Variants in COL6A5 observed in about 807,000 individuals in gnomAD.
The protein encoded by COL6A5 is collagen alpha-5(VI) chain.
In COL6A5, 48 loss-of-function variants were observed where a neutral mutation model predicts 65.6. The ratio of observed to expected loss-of-function variants is 0.73; its 90% CI spans 0.58 to 0.93. The LOEUF is 0.93. Ranked by LOEUF, COL6A5 falls within the 40% of genes least tolerant of loss-of-function variation. The pLI is 0.00. For missense variants in COL6A5, 914 were observed against 928.3 expected (o/e 0.98, Z 0.20); for synonymous variants, 291 against 322.8 (o/e 0.90, Z 1.05).
intron 14 of COL6A5, 147 bp from the exon 15 acceptor site, chr3:130,405,846 G>A (rs1936969519): frequency 1.1e-6 from 1 of 913,198 alleles, no homozygotes; most frequent in Non-Finnish European, 1.7e-6. Context: ...GGAGTCTTTA[G>A]CATTAATAAA....
chr3:130,360,507 AC>A (rs1935070155), intron 1 of COL6A5, among the ~76,000 whole-genome samples: 1 of 152,130 alleles, frequency 6.6e-6, no homozygotes, highest in African/African-American at 2.4e-5. Flanking sequence ...CTGGAAGAAT[AC>A]ATCCAAACCA....
chr3:130,350,640 A>T (rs1934668459), intron 1 of COL6A5, among the ~76,000 whole-genome samples: 1 of 152,198 alleles, frequency 6.6e-6, no homozygotes, highest in Admixed American at 6.5e-5. Context: ...ACTATAAACC[A>T]CTGCTCAACA....
intron 1 of COL6A5, among the ~76,000 whole-genome samples, chr3:130,372,716 G>C (rs757523334): frequency 6.6e-6 from 1 of 151,986 alleles, no homozygotes; most frequent in Non-Finnish European, 1.5e-5. Flanking sequence ...TTCTTTTTGG[G>C]GTGATAAAAA....
chr3:130,409,711 T>C (rs554842354), intron 18 of COL6A5, among the ~76,000 whole-genome samples: 34 of 152,276 alleles, frequency 2.2e-4, no homozygotes, highest in Admixed American at 1.0e-3. Context: ...TTTACACCCT[T>C]GAGGGAATAG....
chr3:130,427,317 T>C (rs919495906), upstream of COL6A5, among the ~76,000 whole-genome samples: 1 of 152,170 alleles, frequency 6.6e-6, no homozygotes, highest in African/African-American at 2.4e-5. Context: ...TCCATTGTGG[T>C]TTTTAAATAA....
chr3:130,461,564 C>T (rs113151073), intron 5 of COL6A5, among the ~76,000 whole-genome samples: 4,820 of 152,050 alleles, frequency 0.032, 112 homozygotes, highest in South Asian at 0.095. Flanking sequence ...AAAAACATGA[C>T]CTTCAACACA....
At position 130,367,709 on chromosome 3, in the gene COL6A5, C is replaced by A. The variant is rs576795504; in HGVS notation, c.-28-5902C>A. ...AATATTTGTTGAATGGATAAATAATCTCTCAGACCCAAGCATGCATACATA... is the reference window on the plus strand; with the variant it reads ...AATATTTGTTGAATGGATAAATAATATCTCAGACCCAAGCATGCATACATA... On this transcript the variant is annotated intron_variant and NMD_transcript_variant, in intron 1 of 41. Coordinates refer to the COL6A5 transcript ENST00000312481. Among the ~76,000 whole-genome samples, 4 of 152,314 alleles carry A rather than the reference C, an allele frequency of 2.6e-5. 1 individual carries two copies. Among genetic ancestry groups the A allele is most frequent in the Admixed American group, 2.6e-4 (4 of 15,296 alleles).
intron 2 of COL6A5, 95 bp from the exon 3 acceptor site, chr3:130,376,142 C>A: frequency 7.8e-7 from 1 of 1,287,620 alleles, no homozygotes; most frequent in African/African-American, 1.5e-5. Flanking sequence ...CTGATATACA[C>A]TTAACACCAG....
intron 13 of COL6A5, among the ~76,000 whole-genome samples, chr3:130,404,920 G>T (rs765195702): frequency 6.6e-6 from 1 of 152,210 alleles, no homozygotes; most frequent in Admixed American, 6.5e-5. Context: ...CACAGTTGGG[G>T]TTCCTGCCCT....
chr3:130,440,551 A>G (rs748077761), exon 3 of COL6A5: 1 of 1,613,684 alleles, frequency 6.2e-7, no homozygotes, highest in South Asian at 1.1e-5. Context: ...ATCTTTTTCC[A>G]GAAACACCCT....
chr3:130,401,849 A>G (rs1007127080), exon 12 of COL6A5: 2 of 1,550,372 alleles, frequency 1.3e-6, no homozygotes, highest in African/African-American at 1.4e-5. Context: ...ACTACAAGCC[A>G]TGAAGGTGCC....
chr3:130,472,051 G>C (rs1709966308), intron 7 of COL6A5, 125 bp downstream of exon 40: 1 of 961,880 alleles, frequency 1.0e-6, no homozygotes, highest in African/African-American at 1.6e-5. Flanking sequence ...ATAAAAGAGG[G>C]GCTTATCGTC....
chr3:130,350,562 T>C (rs1050958129), intron 1 of COL6A5, among the ~76,000 whole-genome samples: 4 of 152,184 alleles, frequency 2.6e-5, no homozygotes, highest in Non-Finnish European at 4.4e-5. Flanking sequence ...CATTCACAAT[T>C]TCTTCAAAGA....
chr3:130,419,259 C>T (rs1055964695), intron 25 of COL6A5, among the ~76,000 whole-genome samples: 1 of 152,052 alleles, frequency 6.6e-6, no homozygotes, highest in Admixed American at 6.6e-5. Context: ...CTCCTCCTTT[C>T]TTGCAAAAGT....
chr3:130,474,213 T>G (rs1710032080), intron 7 of COL6A5, among the ~76,000 whole-genome samples: 1 of 152,022 alleles, frequency 6.6e-6, no homozygotes, highest in African/African-American at 2.4e-5. Context: ...AAACTGTACA[T>G]GTATGAGAAA....
chr3:130,379,360 CT>C, intron 3 of COL6A5, 57 bp from the exon 4 acceptor site: 2 of 1,432,108 alleles, frequency 1.4e-6, no homozygotes, highest in East Asian at 2.5e-5. Context: ...TAAAAAGTAC[CT>C]TTTTCTCTCC....
intron 20 of COL6A5, among the ~76,000 whole-genome samples, chr3:130,412,306 C>G (rs1937199872): frequency 2.6e-5 from 4 of 152,076 alleles, no homozygotes; most frequent in Non-Finnish European, 4.4e-5. Context: ...ATCAAGAAAC[C>G]TTGGGCAGCT....
intron 27 of COL6A5, 26 bp downstream of exon 27, chr3:130,421,386 T>A (rs1474762410): frequency 1.3e-6 from 2 of 1,549,202 alleles, no homozygotes. Context: ...CCTTTTGAAA[T>A]TACCATGATC....
chr3:130,440,737 T>C (rs766809134), exon 3 of COL6A5: 1 of 1,613,478 alleles, frequency 6.2e-7, no homozygotes, highest in South Asian at 1.1e-5. Flanking sequence ...ACCCACTTGA[T>C]CAACACCTGA....
Sources: gnomAD v4.1 joint callset for allele counts (sites outside exome capture counted in the v4.1 genomes callset) on GRCh38, gnomAD v4.1.1 for gene constraint, MANE v1.5 for transcripts, NCBI Gene and HGNC (gene_info 2026-07-23, HGNC 2026-07-21) for gene names.